The following NRG3 variants were observed in gnomAD, a reference collection of about 807,000 sequenced individuals.
NRG3 encodes pro-neuregulin-3, membrane-bound isoform.
NRG3 carries 31 observed loss-of-function variants against 66.9 expected under a neutral mutation model. The ratio of observed to expected loss-of-function variants is 0.46; its 90% CI spans 0.35 to 0.63. The LOEUF is 0.63. NRG3 is among the 20% of genes least tolerant of loss of function. The probability of loss-of-function intolerance (pLI) is 0.00; values close to 1 mark genes in which losing one functional copy is unlikely to be tolerated. For synonymous variants in NRG3, 393 were observed against 359.4 expected (o/e 1.09, Z -1.06); for missense variants, 910 against 878.9 (o/e 1.04, Z -0.45).
intron 2 of NRG3, among the ~76,000 whole-genome samples, chr10:82,429,139 T>G (rs1020978396): frequency 2.0e-5 from 3 of 152,054 alleles, no homozygotes; most frequent in African/African-American, 7.2e-5. Context: ...TGTTCTATTA[T>G]TGACATACAA....
chr10:82,927,160 G>A (rs976438460), intron 4 of NRG3, among the ~76,000 whole-genome samples: 6 of 152,210 alleles, frequency 3.9e-5, no homozygotes, highest in Admixed American at 2.0e-4. Flanking sequence ...CATAGGTGCC[G>A]CAGAGGCCTT....
intron 2 of NRG3, among the ~76,000 whole-genome samples, chr10:82,711,276 G>A (rs535484004): frequency 2.8e-4 from 43 of 151,882 alleles, no homozygotes; most frequent in African/African-American, 9.2e-4. Flanking sequence ...TTTTAGAGAT[G>A]GAGCCCTGCC....
chr10:81,990,135 T>C (rs1204768726), intron 1 of NRG3, among the ~76,000 whole-genome samples: 2 of 152,178 alleles, frequency 1.3e-5, no homozygotes, highest in East Asian at 3.9e-4. Context: ...TGTCCGTATC[T>C]TTACTCTTTA....
intron 2 of NRG3, among the ~76,000 whole-genome samples, chr10:82,363,443 TTTTG>T (rs3068953): frequency 5.9e-4 from 89 of 151,890 alleles, no homozygotes; most frequent in Middle Eastern, 3.4e-3. Context: ...TTATACTGTT[TTTTG>T]TTTGTTTGTT....
At position 82,396,921 on chromosome 10, in the gene NRG3, C is replaced by T. The variant is rs371633404; in HGVS notation, c.953+38053C>T. 3.9e-5 allele frequency among the ~76,000 whole-genome samples: 6 copies of T among 152,122 alleles called. No homozygotes were observed. The East Asian group carries it at 9.6e-4, about 24-fold the overall frequency. ...CACTTAAAGAATTTGCTATCAACCCCTTAGAATCTGTTATCAACCCTTTAG... is the reference window on the plus strand; with the variant it reads ...CACTTAAAGAATTTGCTATCAACCCTTTAGAATCTGTTATCAACCCTTTAG... On this transcript the variant is annotated intron_variant, in intron 2 of 8. Transcript: ENST00000372141.
chr10:81,877,296 G>A (rs927778750), intron 1 of NRG3, among the ~76,000 whole-genome samples: 1 of 152,140 alleles, frequency 6.6e-6, no homozygotes, highest in African/African-American at 2.4e-5. Context: ...ATCAGGATAT[G>A]GGAACAGTTT....
At chr10:82,421,345 G>C (rs543667966) in intron 2 of NRG3, among the ~76,000 whole-genome samples, 6 of 152,132 alleles carry the variant, frequency 3.9e-5, no homozygotes, top group African/African-American at 1.4e-4. Flanking sequence ...AGTAATTTGG[G>C]AGATAATGAG....
intron 1 of NRG3, among the ~76,000 whole-genome samples, chr10:82,025,184 T>C (rs2062242650): frequency 6.6e-6 from 1 of 151,342 alleles, no homozygotes; most frequent in Non-Finnish European, 1.5e-5. Flanking sequence ...CTAACTTAAA[T>C]TCACAGGTAA....
At chr10:82,502,388 G>A (rs184044290) in intron 2 of NRG3, among the ~76,000 whole-genome samples, 5 of 152,128 alleles carry the variant, frequency 3.3e-5, no homozygotes, top group African/African-American at 1.2e-4. Flanking sequence ...TTTTCTTGGT[G>A]TTTGTGTTTT....
chr10:82,417,514 T>G (rs2136206693), intron 2 of NRG3, among the ~76,000 whole-genome samples: 1 of 152,300 alleles, frequency 6.6e-6, no homozygotes, highest in Non-Finnish European at 1.5e-5. Flanking sequence ...ATTCTATAAA[T>G]AATACTGATA....
intron 1 of NRG3, chr10:82,232,129 A>G (rs2076506936): frequency 6.6e-6 from 1 of 152,232 alleles, no homozygotes; most frequent in African/African-American, 2.4e-5. Context: ...GAAAGGAAAA[A>G]TAGAGTCCCT....
chr10:82,371,526 T>G (rs972810854), intron 2 of NRG3, among the ~76,000 whole-genome samples: 1 of 152,144 alleles, frequency 6.6e-6, no homozygotes, highest in Non-Finnish European at 1.5e-5. Flanking sequence ...TCAGAAAAAC[T>G]CATAAGAGAG....
chr10:82,979,539 T>C (rs1057126623), intron 8 of NRG3, among the ~76,000 whole-genome samples: 1 of 152,192 alleles, frequency 6.6e-6, no homozygotes, highest in African/African-American at 2.4e-5. Flanking sequence ...ACGTACAGTA[T>C]CTGCTTCCCC....
intron 1 of NRG3, among the ~76,000 whole-genome samples, chr10:81,903,997 T>TATATA (rs201025667): frequency 3.5e-5 from 3 of 85,232 alleles, no homozygotes; most frequent in Admixed American, 2.4e-4. Context: ...TATATATATA[T>TATATA]TTTTTTTTTT....
chr10:82,896,787 C>A (rs1843701838), intron 4 of NRG3, among the ~76,000 whole-genome samples: 1 of 152,212 alleles, frequency 6.6e-6, no homozygotes, highest in Non-Finnish European at 1.5e-5. Flanking sequence ...AAACTAACCT[C>A]ATTACATTTG....
intron 2 of NRG3, among the ~76,000 whole-genome samples, chr10:82,631,767 G>A (rs924419741): frequency 6.6e-6 from 1 of 151,736 alleles, no homozygotes; most frequent in African/African-American, 2.4e-5. Context: ...TTTTTTATTT[G>A]CAAGTAATTC....
At chr10:82,663,123 C>A (rs1591071468) in intron 2 of NRG3, among the ~76,000 whole-genome samples, 1 of 152,192 alleles carries the variant, frequency 6.6e-6, no homozygotes, top group Middle Eastern at 3.4e-3. Context: ...AGTCTCTGAG[C>A]AAAAAGGTAT....
At position 82,384,366 on chromosome 10, in the gene NRG3, G is replaced by A. The variant is rs116636402; in HGVS notation, c.953+25498G>A. Among the ~76,000 whole-genome samples, 340 of 152,152 alleles carry A rather than the reference G, an allele frequency of 2.2e-3. 1 individual carries two copies. Among genetic ancestry groups the A allele is most frequent in the African/African-American group, 7.6e-3 (315 of 41,496 alleles). ...ATGTAAAAATGTGCCATGGTGGTTT[G>A]CTGCACAGATCATCCCGTCACCCAG... On this transcript the variant is annotated intron_variant, in intron 2 of 8. Transcript: ENST00000372141.
intron 4 of NRG3, among the ~76,000 whole-genome samples, chr10:82,914,128 C>A (rs77179936): frequency 6.8e-6 from 1 of 146,206 alleles, no homozygotes; most frequent in Non-Finnish European, 1.5e-5. Context: ...TTTTTTTTTT[C>A]TAGTACTTCC....
Sources: gnomAD v4.1 joint callset for allele counts (sites outside exome capture counted in the v4.1 genomes callset) on GRCh38, gnomAD v4.1.1 for gene constraint, MANE v1.5 for transcripts, NCBI Gene and HGNC (gene_info 2026-07-23, HGNC 2026-07-21) for gene names.